The following RORA variants were observed in gnomAD, a reference collection of about 807,000 sequenced individuals.
The protein encoded by RORA is RAR related orphan receptor A.
RORA carries 7 observed loss-of-function variants against 69.5 expected under a neutral mutation model. The ratio of observed to expected loss-of-function variants is 0.10; its 90% CI spans 0.06 to 0.19. The LOEUF is 0.19. Ranked by LOEUF, RORA falls within the 10% of genes least tolerant of loss-of-function variation. The probability of loss-of-function intolerance (pLI) is 1.00; values close to 1 mark genes in which losing one functional copy is unlikely to be tolerated. For missense variants in RORA, 457 were observed against 663.0 expected (o/e 0.69, Z 3.41); for synonymous variants, 261 against 240.8 (o/e 1.08, Z -0.78).
At chr15:60,698,931 T>C (rs1318003296) in intron 1 of RORA, among the ~76,000 whole-genome samples, 1 of 152,170 alleles carries the variant, frequency 6.6e-6, no homozygotes, top group Non-Finnish European at 1.5e-5. Flanking sequence ...CTTTTGTTAA[T>C]CGCCTGTTCA....
chr15:60,763,430 T>A (rs1055419730), intron 1 of RORA, among the ~76,000 whole-genome samples: 2 of 152,148 alleles, frequency 1.3e-5, no homozygotes, highest in Non-Finnish European at 2.9e-5. Flanking sequence ...CAAATTATTT[T>A]TCCTTAACTT....
intron 1 of RORA, among the ~76,000 whole-genome samples, chr15:60,699,434 C>T (rs1266516371): frequency 2.0e-5 from 3 of 152,094 alleles, no homozygotes; most frequent in African/African-American, 7.2e-5. Context: ...TTATGTCTTT[C>T]TTTGTTCTCC....
chr15:60,493,487 T>C lies in RORA; in HGVS notation c.*3968A>G, dbSNP rs545029478. ...TAAACCTTTTCATGAAAGATACTACTAGGTTGTTTTGCATTTTGGAATGTC... is the reference window on the plus strand; with the variant it reads ...TAAACCTTTTCATGAAAGATACTACCAGGTTGTTTTGCATTTTGGAATGTC... On this transcript the variant is annotated 3_prime_UTR_variant, in exon 11 of 11. Transcript: ENST00000335670. The C allele has an allele frequency of 1.3e-5, 2 of 152,328 alleles. No homozygotes were observed. The highest frequency in any genetic ancestry group is 3.9e-4 in the East Asian group (2 of 5,190). 9.4% of individuals were successfully genotyped at this position (152,328 alleles called of 1,614,324 possible).
intron 1 of RORA, among the ~76,000 whole-genome samples, chr15:60,987,445 T>G (rs1224700143): frequency 6.6e-6 from 1 of 152,170 alleles, no homozygotes; most frequent in Non-Finnish European, 1.5e-5. Flanking sequence ...GCAAACAACC[T>G]CTCTGAATCA....
chr15:60,820,602 T>C (rs2140378197), intron 1 of RORA, among the ~76,000 whole-genome samples: 1 of 151,358 alleles, frequency 6.6e-6, no homozygotes, highest in South Asian at 2.1e-4. Flanking sequence ...GCTACCCTCT[T>C]GGCCTATAGC....
chr15:61,124,560 AG>A, intron 1 of RORA, among the ~76,000 whole-genome samples: 1 of 152,366 alleles, frequency 6.6e-6, no homozygotes, highest in South Asian at 2.1e-4. Context: ...ATAACCCTTT[AG>A]TTTCCGATGT....
chr15:61,167,049 T>C (rs1044531639), intron 1 of RORA, among the ~76,000 whole-genome samples: 4 of 152,140 alleles, frequency 2.6e-5, no homozygotes, highest in African/African-American at 9.7e-5. Flanking sequence ...GTGACACACA[T>C]ACACAAAATC....
intron 6 of RORA, 110 bp downstream of exon 6, chr15:60,505,398 C>A: frequency 1.8e-6 from 2 of 1,088,654 alleles, no homozygotes; most frequent in South Asian, 1.5e-5. Context: ...TAAACAGAAA[C>A]CTGATGACAT....
chr15:60,617,696 A>G (rs2069289662), intron 2 of RORA, among the ~76,000 whole-genome samples: 1 of 151,572 alleles, frequency 6.6e-6, no homozygotes, highest in African/African-American at 2.4e-5. Flanking sequence ...AGAGAGAAAG[A>G]GGGAGAGAGA....
intron 1 of RORA, among the ~76,000 whole-genome samples, chr15:60,788,456 T>C (rs1417847316): frequency 1.3e-5 from 2 of 152,208 alleles, no homozygotes; most frequent in African/African-American, 4.8e-5. Flanking sequence ...CTCCCCTCGA[T>C]TGACTGCTAT....
Position 61,167,937 on chromosome 15 carries a change from A to G in RORA, c.166+61116T>C, listed in dbSNP as rs1286033722. Among the ~76,000 whole-genome samples the G allele has an allele frequency of 2.6e-5, 4 of 152,172 alleles. No individual in the cohort carries two copies. The East Asian group carries it at 7.8e-4, about 29-fold the overall frequency. On this transcript the variant is annotated intron_variant, in intron 1 of 10. Coordinates refer to ENST00000335670, the MANE Select transcript of RORA (RefSeq NM_134261.3). The stretch of plus-strand genomic sequence containing the variant: ...TGGTTCTAACATTTCTTGCTTCTGT[A>G]TATTTGCTCTTGGGGATATCCCCTG...
chr15:60,575,375 A>G (rs192122951), intron 2 of RORA, among the ~76,000 whole-genome samples: 2 of 152,332 alleles, frequency 1.3e-5, no homozygotes, highest in Admixed American at 1.3e-4. Context: ...CTTGAAGTAT[A>G]AATGCCTTCA....
intron 1 of RORA, among the ~76,000 whole-genome samples, chr15:60,932,863 G>C (rs1892415371): frequency 6.6e-6 from 1 of 152,180 alleles, no homozygotes; most frequent in Non-Finnish European, 1.5e-5. Flanking sequence ...AGGAACCAAG[G>C]AGTGTGGAAC....
intron 6 of RORA, among the ~76,000 whole-genome samples, chr15:60,504,854 T>A (rs1278051236): frequency 6.6e-6 from 1 of 152,266 alleles, no homozygotes. Context: ...CCCACCGATA[T>A]GATGGGGTGG....
At chr15:60,771,117 G>A (rs2072066282) in intron 1 of RORA, among the ~76,000 whole-genome samples, 1 of 152,138 alleles carries the variant, frequency 6.6e-6, no homozygotes, top group Non-Finnish European at 1.5e-5. Flanking sequence ...AACTCTTAAG[G>A]TAGGACTTCT....
intron 1 of RORA, among the ~76,000 whole-genome samples, chr15:60,925,697 C>T (rs1221192016): frequency 3.9e-5 from 6 of 152,214 alleles, no homozygotes; most frequent in Non-Finnish European, 5.9e-5. Context: ...TCTGGGCTTC[C>T]GTTTCTTCAC....
At chr15:60,688,295 A>T (rs1448447181) in intron 1 of RORA, among the ~76,000 whole-genome samples, 3 of 152,168 alleles carry the variant, frequency 2.0e-5, no homozygotes, top group Non-Finnish European at 4.4e-5. Context: ...CAAAAAATAC[A>T]TACACCAAAT....
At chr15:60,857,021 C>T (rs533815654) in intron 1 of RORA, among the ~76,000 whole-genome samples, 23 of 152,276 alleles carry the variant, frequency 1.5e-4, no homozygotes, top group Admixed American at 7.2e-4. Flanking sequence ...ACAGAGGAAG[C>T]CATCGTTGCT....
chr15:60,498,092 T>C lies in RORA; in HGVS notation c.1408-473A>G, dbSNP rs117096833. Among the ~76,000 whole-genome samples the C allele has an allele frequency of 2.4e-3, 369 of 152,116 alleles. 1 individual carries two copies. Among genetic ancestry groups the C allele is most frequent in the Non-Finnish European group, 3.4e-3 (234 of 67,976 alleles). ...AATAAATAAATAAATGATGATATAGTCATGTCATAGAATGCCAAGTATACA... is the reference window on the plus strand; with the variant it reads ...AATAAATAAATAAATGATGATATAGCCATGTCATAGAATGCCAAGTATACA... On this transcript the variant is annotated intron_variant, in intron 10 of 10. Coordinates refer to ENST00000335670, the MANE Select transcript of RORA (RefSeq NM_134261.3).
Sources: allele counts gnomAD v4.1 joint callset (sites outside exome capture counted in the v4.1 genomes callset), GRCh38; gene constraint gnomAD v4.1.1; transcripts MANE v1.5; gene names NCBI Gene and HGNC (gene_info 2026-07-23, HGNC 2026-07-21).